METAP1: variants seen among roughly 807,000 people sequenced by gnomAD.
The protein encoded by METAP1 is methionyl aminopeptidase 1.
Under a neutral mutation model 53.8 loss-of-function variants are expected in METAP1, and 28 were observed. The observed-to-expected ratio is 0.52, with a 90% confidence interval of 0.39 to 0.71. The LOEUF is 0.71. Ranked by LOEUF, METAP1 falls within the 30% of genes least tolerant of loss-of-function variation. The pLI is 0.00. For synonymous variants in METAP1, 181 were observed against 165.7 expected, an observed-to-expected ratio of 1.09 and a Z score of -0.71; for missense variants, 389 against 479.8, an observed-to-expected ratio of 0.81 and a Z score of 1.77.
intron 1 of METAP1, among the ~76,000 whole-genome samples, chr4:99,021,260 A>G (rs1375801966): frequency 2.6e-5 from 4 of 152,198 alleles, no homozygotes; most frequent in Non-Finnish European, 4.4e-5. Context: ...TCAAGGAAGG[A>G]CCACCAAAGA....
intron 1 of METAP1, among the ~76,000 whole-genome samples, chr4:99,011,530 A>C (rs954079256): frequency 8.5e-5 from 13 of 152,152 alleles, no homozygotes; most frequent in Non-Finnish European, 1.3e-4. Flanking sequence ...TAGTCCTTTC[A>C]GTGTGCTATT....
intron 1 of METAP1, among the ~76,000 whole-genome samples, chr4:99,020,665 C>G (rs976000473): frequency 6.6e-6 from 1 of 152,102 alleles, no homozygotes; most frequent in African/African-American, 2.4e-5. Context: ...GAAACTGGCC[C>G]CAGCTGCCAG....
intron 1 of METAP1, chr4:99,022,958 G>A (rs539684323): frequency 4.9e-5 from 73 of 1,486,560 alleles, no homozygotes; most frequent in Middle Eastern, 2.1e-4. Flanking sequence ...ACATGTAGGG[G>A]CTGGAAGTGT....
intron 4 of METAP1, among the ~76,000 whole-genome samples, chr4:99,038,442 A>G (rs1725593899): frequency 6.6e-6 from 1 of 151,996 alleles, no homozygotes; most frequent in African/African-American, 2.4e-5. Flanking sequence ...ATGATTATTT[A>G]CTTTTACTTT....
At chr4:99,042,627 T>C (rs1430095963) in intron 6 of METAP1, among the ~76,000 whole-genome samples, 2 of 152,160 alleles carry the variant, frequency 1.3e-5, no homozygotes, top group African/African-American at 4.8e-5. Context: ...GATATAGGCT[T>C]GTTTCAACAT....
At chr4:99,016,442 A>G (rs1016305020) in intron 1 of METAP1, among the ~76,000 whole-genome samples, 4 of 152,134 alleles carry the variant, frequency 2.6e-5, no homozygotes, top group African/African-American at 9.7e-5. Flanking sequence ...TGGTATTCCC[A>G]TTCTATGTCC....
At chr4:99,003,623 AGTCAGGATCTGTCGATGTAT>A (rs1442017643) in intron 1 of METAP1, among the ~76,000 whole-genome samples, 17 of 152,252 alleles carry the variant, frequency 1.1e-4, no homozygotes, top group African/African-American at 4.1e-4. Context: ...AGGACCATAA[AGTCAGGATCTGTCGATGTAT>A]GTTTTCTAAA....
chr4:99,059,904 C>T (rs7694657), intron 10 of METAP1, among the ~76,000 whole-genome samples: 11,967 of 152,118 alleles, frequency 0.079, 1,200 homozygotes, highest in East Asian at 0.57. Context: ...GGGTATAGTT[C>T]ACAAAAATTT....
intron 1 of METAP1, among the ~76,000 whole-genome samples, chr4:99,028,491 C>CT (rs1229958438): frequency 1.3e-5 from 2 of 152,068 alleles, no homozygotes; most frequent in African/African-American, 4.8e-5. Context: ...GATTGGGAAT[C>CT]TAACTACTGT....
At chr4:99,005,309 A>T (rs1723123504) in intron 1 of METAP1, among the ~76,000 whole-genome samples, 4 of 152,210 alleles carry the variant, frequency 2.6e-5, no homozygotes, top group Admixed American at 2.0e-4. Context: ...AAATAATCTC[A>T]TCAAAAAGTG....
intron 2 of METAP1, 99 bp from the exon 3 acceptor site, chr4:99,034,131 A>G: frequency 2.8e-6 from 2 of 726,972 alleles, no homozygotes; most frequent in Non-Finnish European, 2.3e-6. Context: ...TTTAAACAAG[A>G]GATATTCAAA....
Position 99,054,131 on chromosome 4 carries a change from C to G in METAP1, c.932-3622C>G, listed in dbSNP as rs370833484. Among the ~76,000 whole-genome samples, 32 of 152,212 alleles carry G rather than the reference C, an allele frequency of 2.1e-4. No homozygotes were observed. In the East Asian group the frequency reaches 6.0e-3, roughly 28 times the overall value. On this transcript the variant is annotated intron_variant, in intron 9 of 10. Coordinates refer to ENST00000296411, the MANE Select transcript of METAP1 (RefSeq NM_015143.3). ...TCTTTGAAGCCAGTTGTTGACTTCT[C>G]CTCTCTAGTGAGAAAGTCCTAGGTG...
In METAP1 at chr4:99,048,850, C is replaced by G. The variant is rs771412313; in HGVS notation, c.905C>G (p.Thr302Arg). The G allele has an allele frequency of 6.2e-7, 1 of 1,613,910 alleles. No individual in the cohort carries two copies. Among genetic ancestry groups the G allele is most frequent in the African/African-American group, 1.3e-5 (1 of 74,932 alleles). ...CATGGAATCCACAAGCTTTTTCATA[C>G]AGCTCCCAATGTACCCCACTATGCT... The part of the protein sequence containing the change: ...CGHGIHKLFH[T>R]APNVPHYAKN... Residue 302 changes from threonine (T) to arginine (R), a missense_variant, in exon 9 of 11, where the codon ACA becomes AGA. By Grantham distance (71) the Thr-to-Arg change is moderately conservative. Transcript: ENST00000296411.
rs573111321 is a variant in METAP1, at chr4:99,060,667, A to G, written c.998-487A>G. Among the ~76,000 whole-genome samples the G allele has an allele frequency of 6.6e-5, 10 of 152,230 alleles. No homozygotes were observed. In the South Asian group the frequency reaches 1.9e-3, roughly 28 times the overall value. ...CGTGTGCCACCGCGCCTGGCCAAGC[A>G]TATGCTTTTTTATGACTGGCTTATT... is the stretch of plus-strand genomic sequence containing the variant. On this transcript the variant is annotated intron_variant, in intron 10 of 10. Transcript: ENST00000296411.
intron 1 of METAP1, among the ~76,000 whole-genome samples, chr4:99,010,900 C>A (rs1261801785): frequency 6.6e-6 from 1 of 151,928 alleles, no homozygotes; most frequent in Non-Finnish European, 1.5e-5. Flanking sequence ...AGGTTTATTT[C>A]TAGGTATTTT....
chr4:99,026,456 A>G (rs1724567049), intron 1 of METAP1: 19 of 985,282 alleles, frequency 1.9e-5, no homozygotes, highest in Non-Finnish European at 2.0e-5. Flanking sequence ...GGAATGGGTA[A>G]AGCTTCTGAG....
At chr4:99,024,895 T>G (rs1177610522) in intron 1 of METAP1, among the ~76,000 whole-genome samples, 1 of 151,538 alleles carries the variant, frequency 6.6e-6, no homozygotes, top group Non-Finnish European at 1.5e-5. Context: ...GACTTGGGGG[T>G]GGTGGGGATA....
chr4:99,017,702 G>A (rs1319696188), intron 1 of METAP1, among the ~76,000 whole-genome samples: 3 of 152,234 alleles, frequency 2.0e-5, no homozygotes, highest in East Asian at 1.9e-4. Context: ...CCATCTTTCC[G>A]CTTTTTGATT....
chr4:99,008,300 A>G (rs1723278269), intron 1 of METAP1, among the ~76,000 whole-genome samples: 1 of 152,218 alleles, frequency 6.6e-6, no homozygotes. Flanking sequence ...TAGCAGCTTT[A>G]CTTTAAGGAA....
Sources: gnomAD v4.1 joint callset for allele counts (sites outside exome capture counted in the v4.1 genomes callset) on GRCh38, gnomAD v4.1.1 for gene constraint, MANE v1.5 for transcripts, NCBI Gene and HGNC (gene_info 2026-07-23, HGNC 2026-07-21) for gene names.